PIK3R6: variants seen among roughly 807,000 people sequenced by gnomAD.
PIK3R6 encodes the protein phosphoinositide 3-kinase regulatory subunit 6.
Under a neutral mutation model 84.9 loss-of-function variants are expected in PIK3R6, and 91 were observed. The observed-to-expected ratio is 1.07, with a 90% CI of 0.90 to 1.28. The LOEUF (loss-of-function observed/expected upper bound fraction) is 1.28, where lower values mean the gene tolerates loss of function less well. Ranked by LOEUF, PIK3R6 falls within the 50% of genes most tolerant of loss-of-function variation. The pLI is 0.00. For synonymous variants in PIK3R6, 416 were observed against 411.4 expected (o/e 1.01, Z -0.13); for missense variants, 996 against 985.1 (o/e 1.01, Z -0.15).
At position 8,849,680 on chromosome 17, in the gene PIK3R6, T is replaced by C. The variant is rs2088895206; in HGVS notation, c.13+102A>G. 3.0e-6 allele frequency: 4 copies of C among 1,335,192 alleles called. No homozygotes were observed. In the Admixed American group the frequency reaches 1.2e-4, roughly 39 times the overall value. 82.7% of individuals were successfully genotyped at this position (1,335,192 alleles called of 1,614,324 possible). ...ATTGGGGTCTTGCAGCCTGTCTATG[T>C]GCAGGGGGTCCTGCCAGCCCTAGAG... On this transcript the variant is annotated intron_variant, in intron 2 of 19. Transcript: ENST00000619866.
At chr17:8,827,805 A>AGAGAGAGG (rs2087994820) in intron 12 of PIK3R6, among the ~76,000 whole-genome samples, 2 of 126,972 alleles carry the variant, frequency 1.6e-5, no homozygotes, top group African/African-American at 6.6e-5. Context: ...AGAGAGAGAG[A>AGAGAGAGG]GAGAGAGAGA....
chr17:8,840,632 A>G (rs2088646750), intron 2 of PIK3R6, among the ~76,000 whole-genome samples: 1 of 147,984 alleles, frequency 6.8e-6, no homozygotes, highest in Admixed American at 6.8e-5. Context: ...CTCCAAATAT[A>G]TATGAAATAT....
chr17:8,831,343 A>AAAAT (rs1265313384), intron 9 of PIK3R6, among the ~76,000 whole-genome samples: 1 of 148,934 alleles, frequency 6.7e-6, no homozygotes, highest in Non-Finnish European at 1.5e-5. Flanking sequence ...AAAAAAAAAA[A>AAAAT]AAAAAAAAAA....
chr17:8,833,035 C>T lies in PIK3R6; in HGVS notation c.656G>A (p.Arg219His), dbSNP rs749184238. Residue 219 changes from arginine (R) to histidine (H), a missense_variant, in exon 9 of 20, where the codon CGC becomes CAC. By Grantham distance (29) the Arg-to-His change is conservative. Transcript: ENST00000619866. Reference protein sequence around the residue: ...ALHRKLQASPRRTLEHYFHAV... With the variant: ...ALHRKLQASPHRTLEHYFHAV... ...GTGGAAATAGTGCTCCAGGGTGCGGCGAGGGCTGGCCTGTTGGGGAGGGGC... is the reference window on the plus strand; with the variant it reads ...GTGGAAATAGTGCTCCAGGGTGCGGTGAGGGCTGGCCTGTTGGGGAGGGGC... 3.8e-6 allele frequency: 6 copies of T among 1,593,260 alleles called. No individual in the cohort carries two copies. The highest frequency in any genetic ancestry group is 4.5e-5 in the East Asian group (2 of 44,172).
chr17:8,805,875 A>G (rs919763225), intron 18 of PIK3R6, among the ~76,000 whole-genome samples: 4 of 151,378 alleles, frequency 2.6e-5, no homozygotes, highest in African/African-American at 9.7e-5. Flanking sequence ...CTGAGATTGC[A>G]CCACTGCACT....
intron 9 of PIK3R6, among the ~76,000 whole-genome samples, chr17:8,830,039 G>T (rs760947072): frequency 6.6e-6 from 1 of 152,188 alleles, no homozygotes; most frequent in Non-Finnish European, 1.5e-5. Context: ...CCCTTAGGGG[G>T]TCTTCACAAA....
At chr17:8,833,988 C>T (rs1023227165) in intron 8 of PIK3R6, among the ~76,000 whole-genome samples, 17 of 151,546 alleles carry the variant, frequency 1.1e-4, no homozygotes, top group Admixed American at 2.6e-4. Flanking sequence ...AACCCCGTCT[C>T]TACTAAAAAT....
chr17:8,837,738 G>A, intron 5 of PIK3R6, 65 bp downstream of exon 5: 2 of 1,389,798 alleles, frequency 1.4e-6, no homozygotes, highest in Admixed American at 3.5e-5. Flanking sequence ...CCCACTAAGG[G>A]GAGAGTGTCC....
chr17:8,829,442 ACT>A (rs1199077121), intron 10 of PIK3R6, among the ~76,000 whole-genome samples: 14 of 147,094 alleles, frequency 9.5e-5, no homozygotes, highest in South Asian at 2.1e-4. Flanking sequence ...GGATACACAC[ACT>A]GACACGCATC....
In PIK3R6 at chr17:8,803,779, C is replaced by T; in HGVS notation, c.2108+262G>A. The T allele has an allele frequency of 1.7e-6, 1 of 571,722 alleles. No homozygotes were observed. Among genetic ancestry groups the T allele is most frequent in the Non-Finnish European group, 3.1e-6 (1 of 319,924 alleles). 35.4% of individuals were successfully genotyped at this position (571,722 alleles called of 1,614,324 possible). ...CAGAGGGGACTGGATCAGGAGGCTGCAGGCTGAGTGTATGCAGAGGCATCT... is the reference window on the plus strand; with the variant it reads ...CAGAGGGGACTGGATCAGGAGGCTGTAGGCTGAGTGTATGCAGAGGCATCT... On this transcript the variant is annotated intron_variant, in intron 19 of 19. Transcript: ENST00000619866. The surrounding 1 kb of genome is among the most constrained non-coding windows in gnomAD (Gnocchi z 5.0).
intron 18 of PIK3R6, among the ~76,000 whole-genome samples, chr17:8,810,381 C>T (rs931312810): frequency 1.4e-5 from 2 of 147,916 alleles, no homozygotes; most frequent in Non-Finnish European, 2.9e-5. Flanking sequence ...CACAGCCAAA[C>T]CACATCATTC....
chr17:8,829,469 G>A (rs1464606707), intron 10 of PIK3R6, among the ~76,000 whole-genome samples: 1 of 124,960 alleles, frequency 8.0e-6, no homozygotes. Context: ...CACATACACT[G>A]ACACACACTC....
chr17:8,819,015 C>T, intron 18 of PIK3R6, 68 bp downstream of exon 18: 4 of 1,259,450 alleles, frequency 3.2e-6, no homozygotes, highest in Middle Eastern at 2.8e-4. Flanking sequence ...GCCCTCCCCT[C>T]TGGGCTCCCA....
rs550651275 is a variant in PIK3R6, at chr17:8,839,076, C to G, written c.98-421G>C. 1.3e-5 allele frequency among the ~76,000 whole-genome samples: 2 copies of G among 151,992 alleles called. No homozygotes were observed. The highest frequency in any genetic ancestry group is 2.9e-5 in the Non-Finnish European group (2 of 67,972). ...ACAAAGAGGGTGGCAGGCCGGGTGC[C>G]GTGGCTCATGCCTGCAATCCCAGCA... On this transcript the variant is annotated intron_variant, in intron 3 of 19. Coordinates refer to ENST00000619866, the MANE Select transcript of PIK3R6 (RefSeq NM_001010855.4). The surrounding 1 kb of genome is among the most constrained non-coding windows in gnomAD (Gnocchi z 4.2).
intron 4 of PIK3R6, chr17:8,838,319 G>A (rs1196056365): frequency 8.3e-6 from 4 of 480,936 alleles, no homozygotes; most frequent in Middle Eastern, 4.8e-4. Context: ...CAAGTGATGC[G>A]GGTTTTCCAT....
chr17:8,808,561 T>C (rs1343026437), intron 18 of PIK3R6, among the ~76,000 whole-genome samples: 1 of 152,214 alleles, frequency 6.6e-6, no homozygotes, highest in East Asian at 1.9e-4. Flanking sequence ...CTCTTAACTA[T>C]TAGAAAGTAC....
chr17:8,856,301 G>T (rs1245957420), intron 1 of PIK3R6, among the ~76,000 whole-genome samples: 1 of 152,156 alleles, frequency 6.6e-6, no homozygotes, highest in Non-Finnish European at 1.5e-5. Context: ...CAATGTTACT[G>T]TATCAAAATC....
intron 1 of PIK3R6, among the ~76,000 whole-genome samples, chr17:8,854,520 C>T (rs559457870): frequency 1.1e-4 from 17 of 152,202 alleles, no homozygotes; most frequent in South Asian, 2.1e-4. Context: ...TGGAACAGAA[C>T]GAAGAGTTCG....
intron 13 of PIK3R6, among the ~76,000 whole-genome samples, chr17:8,823,770 T>C (rs2087823693): frequency 6.6e-6 from 1 of 152,152 alleles, no homozygotes; most frequent in African/African-American, 2.4e-5. Flanking sequence ...TGCTAAGTGA[T>C]TGAGGGAGAC....
Sources: allele counts gnomAD v4.1 joint callset (sites outside exome capture counted in the v4.1 genomes callset), GRCh38; gene constraint gnomAD v4.1.1; non-coding constraint Gnocchi (gnomAD v3.1); transcripts MANE v1.5; gene names NCBI Gene and HGNC (gene_info 2026-07-23, HGNC 2026-07-21).